The following TRIM27 variants were observed in gnomAD, a reference collection of about 807,000 sequenced individuals.
The protein encoded by TRIM27 is zinc finger protein RFP.
A neutral mutation model predicts 57.6 loss-of-function variants in TRIM27; 12 were observed. That is an observed-to-expected ratio of 0.21 (90% CI 0.13 to 0.34). TRIM27 has a LOEUF of 0.34. TRIM27 is among the 10% of genes least tolerant of loss of function. The probability of loss-of-function intolerance (pLI) is 1.00; values close to 1 mark genes in which losing one functional copy is unlikely to be tolerated. For synonymous variants in TRIM27, 266 were observed against 259.0 expected (o/e 1.03, Z -0.26); for missense variants, 403 against 656.8 (o/e 0.61, Z 4.22).
chr6:28,923,242 G>A lies in TRIM27; in HGVS notation c.391C>T (p.Pro131Ser). ...SREHRGHSVL[P>S]LEEAVEGFKE... is the part of the protein sequence containing the mutation. ...AAGCCCTCCACCGCCTCCTCGAGCG[G>A]CAGCACGCTGTGGCCGCGGTGCTCG... is the stretch of plus-strand genomic sequence containing the variant. The change falls in exon 1 of 8, where the codon CCG (proline) becomes TCG (serine). Residue 131 changes from proline to serine, a missense_variant. Pro to Ser is a moderately conservative substitution (Grantham distance 74). Transcript: ENST00000377199. 6.2e-7 allele frequency: 1 copy of A among 1,601,822 alleles called. No homozygotes were observed. Among genetic ancestry groups the A allele is most frequent in the Non-Finnish European group, 8.5e-7 (1 of 1,174,334 alleles).
At chr6:28,907,392 C>A in intron 6 of TRIM27, 130 bp from the exon 7 acceptor site, 1 of 870,164 alleles carries the variant, frequency 1.1e-6, no homozygotes, top group South Asian at 1.4e-5. Flanking sequence ...TGTTGTTAGT[C>A]ATGCACTAAT....
intron 3 of TRIM27, among the ~76,000 whole-genome samples, chr6:28,916,485 GA>G (rs1483906440): frequency 1.9e-4 from 29 of 151,888 alleles, no homozygotes; most frequent in Admixed American, 2.6e-4. Context: ...CTGGCAGGCG[GA>G]GGTTGCGGTG....
Position 28,919,738 on chromosome 6 carries a change from T to TA in TRIM27, c.747+273dup, listed in dbSNP as rs563428266. ...CCAAAAAGGTTGAGAGCCTTGCCTGTAATCAGACCACTTGTCAGTGCTGTG... is the reference window on the plus strand; with the variant it reads ...CCAAAAAGGTTGAGAGCCTTGCCTGTAAATCAGACCACTTGTCAGTGCTGTG... On this transcript the variant is annotated intron_variant, in intron 3 of 7. Coordinates refer to ENST00000377199, the MANE Select transcript of TRIM27 (RefSeq NM_006510.5). 5.9e-5 allele frequency among the ~76,000 whole-genome samples: 9 copies of TA among 152,356 alleles called. No homozygotes were observed. The South Asian group carries it at 1.9e-3, about 32-fold the overall frequency.
intron 6 of TRIM27, chr6:28,907,695 A>ATAAGGCACT: frequency 2.3e-6 from 1 of 434,442 alleles, no homozygotes; most frequent in Non-Finnish European, 4.6e-6. Flanking sequence ...CCATTCATTT[A>ATAAGGCACT]TAAGGCACTT....
At chr6:28,922,008 G>A in intron 1 of TRIM27, 21 bp from the exon 2 acceptor site, 3 of 1,581,192 alleles carry the variant, frequency 1.9e-6, no homozygotes, top group Non-Finnish European at 2.6e-6. Flanking sequence ...CAAAACAGAT[G>A]GGCAGTTCAA....
At chr6:28,906,941 C>G in intron 7 of TRIM27, 1 of 387,450 alleles carries the variant, frequency 2.6e-6, no homozygotes. Flanking sequence ...GAGCAGTGTA[C>G]TAGTGTACCA....
Position 28,923,581 on chromosome 6 carries a change from C to A in TRIM27, c.52G>T (p.Val18Leu). 6.2e-7 allele frequency: 1 copy of A among 1,607,672 alleles called. No individual in the cohort carries two copies. Among genetic ancestry groups the A allele is most frequent in the Non-Finnish European group, 8.5e-7 (1 of 1,177,290 alleles). The change falls in exon 1 of 8, where the codon GTG becomes TTG. Residue 18 changes from valine (V) to leucine (L), a missense_variant. By Grantham distance (32) the Val-to-Leu change is conservative (BLOSUM62 1). Coordinates refer to ENST00000377199, the MANE Select transcript of TRIM27 (RefSeq NM_006510.5). ...GGCTCTGCGAAGTACTGCAGGCACA[C>A]GGGGCAGGTGGTCTCCTGCTGCAGG... ...ECLQQETTCP[V>L]CLQYFAEPMM...
chr6:28,912,932 C>T (rs1170875679), intron 3 of TRIM27, among the ~76,000 whole-genome samples: 2 of 152,040 alleles, frequency 1.3e-5, no homozygotes, highest in Non-Finnish European at 2.9e-5. Context: ...ATGCAAGAAG[C>T]ATTGCAATTA....
chr6:28,914,071 G>C (rs1299684250), intron 3 of TRIM27, among the ~76,000 whole-genome samples: 19 of 148,222 alleles, frequency 1.3e-4, no homozygotes, highest in Non-Finnish European at 8.9e-5. Context: ...ACCCAGGCTG[G>C]AGTGCAGTGG....
intron 3 of TRIM27, among the ~76,000 whole-genome samples, chr6:28,918,467 G>C (rs1320522993): frequency 6.6e-6 from 1 of 151,944 alleles, no homozygotes; most frequent in Non-Finnish European, 1.5e-5. Context: ...TATCAGCTTT[G>C]ATATTATTTG....
chr6:28,903,985 G>T lies in TRIM27; in HGVS notation c.*85C>A. On this transcript the variant is annotated 3_prime_UTR_variant, in exon 8 of 8. Coordinates refer to ENST00000377199, the MANE Select transcript of TRIM27 (RefSeq NM_006510.5). The stretch of plus-strand genomic sequence containing the variant: ...TGGAACATGGTAAGGATACCCAGCT[G>T]TGACAGGACGTGGCAAGGCAACAAG... The T allele has an allele frequency of 9.1e-7, 1 of 1,099,462 alleles. No individual in the cohort carries two copies. Among genetic ancestry groups the T allele is most frequent in the Non-Finnish European group, 1.3e-6 (1 of 741,918 alleles). 68.1% of individuals were successfully genotyped at this position (1,099,462 alleles called of 1,614,324 possible).
intron 1 of TRIM27, among the ~76,000 whole-genome samples, chr6:28,922,347 T>C (rs1034347841): frequency 6.6e-5 from 10 of 152,216 alleles, no homozygotes; most frequent in East Asian, 1.9e-4. Context: ...AGCTCTTCCA[T>C]ATAGGTACAC....
At chr6:28,919,076 C>T (rs1481318290) in intron 3 of TRIM27, among the ~76,000 whole-genome samples, 1 of 151,726 alleles carries the variant, frequency 6.6e-6, no homozygotes, top group African/African-American at 2.4e-5. Context: ...TACAGTGGCG[C>T]GATCTTGGCT....
intron 3 of TRIM27, chr6:28,914,786 CAA>C (rs1031426313): frequency 1.3e-5 from 2 of 151,326 alleles, no homozygotes; most frequent in Non-Finnish European, 2.9e-5. Flanking sequence ...TTTATTTGTT[CAA>C]GTTTATTTTG....
At chr6:28,907,594 G>A (rs1397761001) in intron 6 of TRIM27, 1 of 596,804 alleles carries the variant, frequency 1.7e-6, no homozygotes. Context: ...CCAACCCCAC[G>A]TCATACATAA....
chr6:28,913,347 A>G (rs9468442), intron 3 of TRIM27, among the ~76,000 whole-genome samples: 3,312 of 150,736 alleles, frequency 0.022, 113 homozygotes, highest in African/African-American at 0.076. Context: ...TTTGTAAACT[A>G]CAGTCACCCT....
intron 3 of TRIM27, among the ~76,000 whole-genome samples, chr6:28,916,015 C>G (rs1773572425): frequency 6.6e-6 from 1 of 152,022 alleles, no homozygotes; most frequent in African/African-American, 2.4e-5. Context: ...CTCCCAGGTT[C>G]AAGTGATTGT....
At chr6:28,918,222 C>G (rs967681473) in intron 3 of TRIM27, among the ~76,000 whole-genome samples, 5 of 152,184 alleles carry the variant, frequency 3.3e-5, no homozygotes, top group African/African-American at 9.6e-5. Flanking sequence ...TGTCTAACTT[C>G]TAGTTTCTTT....
chr6:28,907,590 C>A (rs1478290341), intron 6 of TRIM27: 2 of 602,528 alleles, frequency 3.3e-6, no homozygotes, highest in African/African-American at 3.6e-5. Flanking sequence ...GGTTCCAACC[C>A]CACGTCATAC....
Sources: allele counts gnomAD v4.1 joint callset (sites outside exome capture counted in the v4.1 genomes callset), GRCh38; gene constraint gnomAD v4.1.1; transcripts MANE v1.5; gene names NCBI Gene and HGNC (gene_info 2026-07-23, HGNC 2026-07-21).